Variants in CCDC148 observed in about 807,000 individuals in gnomAD.
CCDC148 encodes the protein coiled-coil domain-containing protein 148.
CCDC148 carries 89 observed loss-of-function variants against 85.7 expected under a neutral mutation model. The ratio of observed to expected loss-of-function variants is 1.04; its 90% confidence interval spans 0.87 to 1.24. The LOEUF (loss-of-function observed/expected upper bound fraction) is 1.24, where lower values mean the gene tolerates loss of function less well. Ranked by LOEUF, CCDC148 falls within the 50% of genes most tolerant of loss-of-function variation. CCDC148 has a pLI of 0.00. For missense variants in CCDC148, 692 were observed against 671.7 expected, an observed-to-expected ratio of 1.03 and a Z score of -0.33; for synonymous variants, 230 against 213.9, an observed-to-expected ratio of 1.08 and a Z score of -0.66.
At chr2:158,276,378 G>C (rs796238085) in intron 9 of CCDC148, among the ~76,000 whole-genome samples, 3 of 152,230 alleles carry the variant, frequency 2.0e-5, no homozygotes, top group African/African-American at 7.2e-5. Flanking sequence ...AGGTTGCAGT[G>C]AGCTGAGATC....
chr2:158,428,850 A>G (rs942917269), intron 1 of CCDC148, among the ~76,000 whole-genome samples: 1 of 152,088 alleles, frequency 6.6e-6, no homozygotes, highest in East Asian at 1.9e-4. Flanking sequence ...TGTTTATTGC[A>G]GCACTATTCA....
chr2:158,456,481 C>T lies in CCDC148; in HGVS notation c.-42G>A, dbSNP rs1688749229. On this transcript the variant is annotated 5_prime_UTR_variant, in exon 1 of 14. Transcript: ENST00000283233. ...CATAGCCTCAGGGACTCCCCAAACG[C>T]AGGAAAAGTGAAACGCCCACTCCTG... 5 of 1,601,854 alleles carry T rather than the reference C, an allele frequency of 3.1e-6. No homozygotes were observed. The South Asian group carries it at 4.5e-5, about 14-fold the overall frequency.
At chr2:158,291,247 C>G in intron 9 of CCDC148, among the ~76,000 whole-genome samples, 1 of 152,164 alleles carries the variant, frequency 6.6e-6, no homozygotes, top group Non-Finnish European at 1.5e-5. Context: ...GCCACGGTCC[C>G]CAGGTCCCAG....
intron 1 of CCDC148, among the ~76,000 whole-genome samples, chr2:158,377,352 T>A (rs969780049): frequency 3.9e-5 from 6 of 151,988 alleles, no homozygotes; most frequent in Non-Finnish European, 2.9e-5. Flanking sequence ...ATTTTCCATT[T>A]GGCTTTAAAA....
rs140798767 is a variant in CCDC148 at position 158,358,498 on chromosome 2, C to A, written c.98G>T (p.Arg33Leu). The change falls in exon 2 of 14, where the codon CGT (arginine) becomes CTT (leucine). Residue 33 changes from arginine to leucine, a missense_variant. Transcript: ENST00000283233. The stretch of plus-strand genomic sequence containing the variant: ...CAATTTCTTTGCTTCAGTTAATGCA[C>A]GCAATTGTTGATAGTCTACTGGTTT... ...KYKPVDYQQLRALTEAKKLAS... is the reference protein window; with the variant it reads ...KYKPVDYQQLLALTEAKKLAS... 1 of 1,608,050 alleles carries A rather than the reference C, an allele frequency of 6.2e-7. No individual in the cohort carries two copies. Among genetic ancestry groups the A allele is most frequent in the African/African-American group, 1.3e-5 (1 of 74,588 alleles).
chr2:158,451,307 TCA>T (rs1491516061), intron 1 of CCDC148, among the ~76,000 whole-genome samples: 1 of 152,178 alleles, frequency 6.6e-6, no homozygotes, highest in African/African-American at 2.4e-5. Flanking sequence ...TGAATTTCAG[TCA>T]CACTTTCCTG....
At chr2:158,345,469 T>C in intron 2 of CCDC148, 151 bp from the exon 3 acceptor site, 1 of 540,692 alleles carries the variant, frequency 1.8e-6, no homozygotes, top group Non-Finnish European at 3.2e-6. Context: ...CTACCTAAAA[T>C]AAATTTGATT....
intron 11 of CCDC148, among the ~76,000 whole-genome samples, chr2:158,198,423 C>T (rs1433795011): frequency 6.6e-6 from 1 of 152,192 alleles, no homozygotes; most frequent in Admixed American, 6.6e-5. Flanking sequence ...TGTTCTCAGA[C>T]TAGAGGCCAG....
chr2:158,218,807 G>C (rs188518043), intron 11 of CCDC148, among the ~76,000 whole-genome samples: 1 of 152,250 alleles, frequency 6.6e-6, no homozygotes, highest in African/African-American at 2.4e-5. Flanking sequence ...GGTTCTCATT[G>C]GTGGCTTCAC....
At chr2:158,366,848 T>A (rs1559102990) in intron 1 of CCDC148, among the ~76,000 whole-genome samples, 1 of 152,158 alleles carries the variant, frequency 6.6e-6, no homozygotes, top group Non-Finnish European at 1.5e-5. Context: ...TAAATAACAG[T>A]ACTCACTTTT....
intron 7 of CCDC148, among the ~76,000 whole-genome samples, chr2:158,327,196 T>C (rs1031660096): frequency 2.0e-5 from 3 of 152,172 alleles, no homozygotes; most frequent in African/African-American, 7.2e-5. Flanking sequence ...AAAGGGCATA[T>C]GCTTTGTGAT....
At chr2:158,262,077 C>T (rs1434455591) in intron 9 of CCDC148, among the ~76,000 whole-genome samples, 2 of 152,002 alleles carry the variant, frequency 1.3e-5, no homozygotes, top group African/African-American at 4.8e-5. Context: ...TTCATTGCAG[C>T]ACTATTCACA....
At chr2:158,290,878 C>T (rs942006816) in intron 9 of CCDC148, among the ~76,000 whole-genome samples, 1 of 152,076 alleles carries the variant, frequency 6.6e-6, no homozygotes, top group Non-Finnish European at 1.5e-5. Flanking sequence ...AAAGTAGAAA[C>T]CTTTCATTTC....
At chr2:158,331,392 TC>T (rs1335578341) in intron 7 of CCDC148, among the ~76,000 whole-genome samples, 1 of 152,234 alleles carries the variant, frequency 6.6e-6, no homozygotes, top group Non-Finnish European at 1.5e-5. Flanking sequence ...TAATTTCTGT[TC>T]TTTTACATTT....
At chr2:158,443,378 C>T (rs1481494892) in intron 1 of CCDC148, among the ~76,000 whole-genome samples, 3 of 151,204 alleles carry the variant, frequency 2.0e-5, no homozygotes, top group East Asian at 1.9e-4. Context: ...GTGGCCTGTG[C>T]CTGTGGTCCC....
At chr2:158,304,316 C>A (rs1040854914) in intron 9 of CCDC148, among the ~76,000 whole-genome samples, 1 of 152,112 alleles carries the variant, frequency 6.6e-6, no homozygotes, top group African/African-American at 2.4e-5. Flanking sequence ...CCTAAGTAAG[C>A]TAGGCAGGAG....
chr2:158,425,260 C>T (rs531444764), intron 1 of CCDC148: 2 of 537,956 alleles, frequency 3.7e-6, no homozygotes, highest in South Asian at 1.4e-5. Flanking sequence ...TATGGCAAGG[C>T]ATCTCCAGGG....
intron 10 of CCDC148, among the ~76,000 whole-genome samples, chr2:158,246,058 C>A (rs1210239448): frequency 6.6e-6 from 1 of 152,158 alleles, no homozygotes; most frequent in Admixed American, 6.5e-5. Flanking sequence ...GTAAATTGGT[C>A]ATAACAGACA....
chr2:158,453,551 C>T (rs1205533074), intron 1 of CCDC148, among the ~76,000 whole-genome samples: 1 of 152,210 alleles, frequency 6.6e-6, no homozygotes, highest in East Asian at 1.9e-4. Flanking sequence ...CCAAAATTAT[C>T]AGTATTGGCG....
Sources: gnomAD v4.1 joint callset for allele counts (sites outside exome capture counted in the v4.1 genomes callset) on GRCh38, gnomAD v4.1.1 for gene constraint, MANE v1.5 for transcripts, NCBI Gene and HGNC (gene_info 2026-07-23, HGNC 2026-07-21) for gene names.